LDB3: variants seen among roughly 807,000 people sequenced by gnomAD.
The protein encoded by LDB3 is LIM domain binding 3.
Under a neutral mutation model 69.0 loss-of-function variants are expected in LDB3, and 49 were observed. That is an observed-to-expected ratio of 0.71 (90% CI 0.56 to 0.90). The LOEUF (loss-of-function observed/expected upper bound fraction) is 0.90. Ranked by LOEUF, LDB3 falls within the 40% of genes least tolerant of loss-of-function variation. The pLI is 0.00. For synonymous variants in LDB3, 387 were observed against 396.2 expected (o/e 0.98, Z 0.28); for missense variants, 928 against 974.1 (o/e 0.95, Z 0.63).
Position 86,681,711 on chromosome 10 carries a change from T to C in LDB3, c.597T>C (p.Ile199=). The C allele has an allele frequency of 6.2e-7, 1 of 1,613,072 alleles. No individual in the cohort carries two copies. Among genetic ancestry groups the C allele is most frequent in the Non-Finnish European group, 8.5e-7 (1 of 1,179,522 alleles). The change falls in exon 5 of 14, where the codon ATT becomes ATC. Residue 199 remains isoleucine (I), a synonymous_variant. Transcript: ENST00000361373. The part of the protein sequence containing the change: ...SSQPRQYNNP[I]GLYSAETLRE... The stretch of plus-strand genomic sequence containing the variant: ...AGCCGAGGCAATATAACAACCCCAT[T>C]GGCCTGTACTCGGCAGAGACCCTGA...
chr10:86,693,434 T>TTG (rs1275445930), intron 7 of LDB3, among the ~76,000 whole-genome samples: 6 of 152,228 alleles, frequency 3.9e-5, no homozygotes, highest in African/African-American at 1.4e-4. Context: ...CACCCTCCCA[T>TTG]CCTGGGCCAA....
chr10:86,727,994 CA>C (rs1156301371), intron 13 of LDB3, among the ~76,000 whole-genome samples: 4 of 152,106 alleles, frequency 2.6e-5, no homozygotes, highest in African/African-American at 9.7e-5. Flanking sequence ...GCTCTTTGAA[CA>C]GATTCTCTAG....
chr10:86,728,586 G>GTTTTTTTTTTTGTTT (rs11271876), intron 13 of LDB3, among the ~76,000 whole-genome samples: 26,365 of 130,130 alleles, frequency 0.2, 3,500 homozygotes, highest in East Asian at 0.53. Flanking sequence ...TGGTTCTTTT[G>GTTTTTTTTTTTGTTT]TTTTTTTTTT....
At position 86,680,123 on chromosome 10, in the gene LDB3, T is replaced by G; in HGVS notation, c.287T>G (p.Val96Gly). 1 of 1,614,176 alleles carries G rather than the reference T, an allele frequency of 6.2e-7. No homozygotes were observed. Among genetic ancestry groups the G allele is most frequent in the East Asian group, 2.2e-5 (1 of 44,866 alleles). ...PIPISTTAPP[V>G]QTPLPVIPHQ... is the part of the protein sequence containing the mutation. ...CCCATCTCCACGACAGCACCTCCAGTCCAGACCCCTCTGCCGGTGATCCCT... is the reference window on the plus strand; with the variant it reads ...CCCATCTCCACGACAGCACCTCCAGGCCAGACCCCTCTGCCGGTGATCCCT... Residue 96 changes from valine (V) to glycine (G), a missense_variant, in exon 4 of 14, where the codon GTC becomes GGC. By Grantham distance (109) the Val-to-Gly change is moderately radical (BLOSUM62 -3). Transcript: ENST00000361373.
rs571670159 is a variant in LDB3 at position 86,710,274 on chromosome 10, G to A, written c.1231+224G>A. On this transcript the variant is annotated intron_variant, in intron 9 of 13. Coordinates refer to ENST00000361373, the MANE Select transcript of LDB3 (RefSeq NM_007078.3). ...GCAAGAAAGCGGTGGATGATTCTAA[G>A]GGAGAGCGAAGGAGAGCAGAGAAGT... 8 of 985,176 alleles carry A rather than the reference G, an allele frequency of 8.1e-6. No individual in the cohort carries two copies. In the East Asian group the frequency reaches 3.4e-4, roughly 42 times the overall value. 61.0% of individuals were successfully genotyped at this position (985,176 alleles called of 1,614,324 possible).
At chr10:86,704,776 G>T (rs559017165) in intron 7 of LDB3, among the ~76,000 whole-genome samples, 1 of 151,982 alleles carries the variant, frequency 6.6e-6, no homozygotes, top group East Asian at 1.9e-4. Flanking sequence ...TAGAGATGAG[G>T]TTTCACTGTG....
rs768569487 is a variant in LDB3, at chr10:86,699,242, TC to T, written c.896+6672del. 5 of 144,208 alleles carry T rather than the reference TC, an allele frequency of 3.5e-5. No individual in the cohort carries two copies. Among genetic ancestry groups the T allele is most frequent in the Non-Finnish European group, 4.2e-5 (5 of 119,418 alleles). The allele number at this position is 144,208 out of a possible 1,614,324, so 8.9% of individuals were successfully genotyped here. A position where few individuals can be genotyped will look rare whatever the true frequency, so the allele number is the denominator to read the frequency against. ...CTCTTTCTGTCTCTGTCTCTGTTTCTCTCTCTCTCTCTCTCTCTCTCTCTCT... is the reference window on the plus strand; with the variant it reads ...CTCTTTCTGTCTCTGTCTCTGTTTCTTCTCTCTCTCTCTCTCTCTCTCTCT... On this transcript the variant is annotated intron_variant, in intron 7 of 13. Coordinates refer to ENST00000361373, the MANE Select transcript of LDB3 (RefSeq NM_007078.3). The surrounding 1 kb of genome is among the most constrained non-coding windows in gnomAD (Gnocchi z 4.9).
intron 12 of LDB3, among the ~76,000 whole-genome samples, chr10:86,722,226 A>G (rs956367812): frequency 6.6e-6 from 1 of 152,266 alleles, no homozygotes; most frequent in Non-Finnish European, 1.5e-5. Context: ...AGTGGGCAAG[A>G]CAAGGCATTC....
At chr10:86,721,486 G>A (rs991215384) in intron 12 of LDB3, among the ~76,000 whole-genome samples, 3 of 152,130 alleles carry the variant, frequency 2.0e-5, no homozygotes, top group Admixed American at 6.5e-5. Context: ...ACCTGCACCC[G>A]AGCAGTTCCC....
intron 2 of LDB3, among the ~76,000 whole-genome samples, chr10:86,677,104 A>T (rs1363649224): frequency 6.6e-6 from 1 of 152,210 alleles, no homozygotes. Context: ...GCCAAGGAAC[A>T]CTTCCAGCCA....
chr10:86,729,778 A>G (rs1410478039), intron 13 of LDB3, among the ~76,000 whole-genome samples: 1 of 151,962 alleles, frequency 6.6e-6, no homozygotes, highest in Non-Finnish European at 1.5e-5. Flanking sequence ...TCCCTTTCTC[A>G]TTTGTTGGTC....
chr10:86,689,235 G>C (rs1483248096), intron 5 of LDB3, among the ~76,000 whole-genome samples: 1 of 152,004 alleles, frequency 6.6e-6, no homozygotes, highest in Non-Finnish European at 1.5e-5. Flanking sequence ...GCGCACTCAC[G>C]GCTGGGTTTT....
chr10:86,691,789 TG>T, intron 5 of LDB3, 106 bp from the exon 6 acceptor site: 1 of 1,273,906 alleles, frequency 7.8e-7, no homozygotes. Context: ...AAAGGCAAGG[TG>T]GGGACAGAAC....
Position 86,699,434 on chromosome 10 carries a change from A to G in LDB3, c.896+6863A>G. The G allele has an allele frequency of 6.2e-7, 1 of 1,609,518 alleles. No homozygotes were observed. The highest frequency in any genetic ancestry group is 8.5e-7 in the Non-Finnish European group (1 of 1,178,370). ...GGACTCCCTCCATCCTTACCCCCAC[A>G]CAGATCTGGCATGTGAGCCCCACGG... On this transcript the variant is annotated intron_variant, in intron 7 of 13. Transcript: ENST00000361373. The surrounding 1 kb of genome is among the most constrained non-coding windows in gnomAD (Gnocchi z 4.9).
intron 2 of LDB3, among the ~76,000 whole-genome samples, chr10:86,676,715 G>T (rs1184785199): frequency 3.3e-5 from 5 of 152,234 alleles, no homozygotes; most frequent in Non-Finnish European, 7.3e-5. Flanking sequence ...GACCCGTAAT[G>T]TGGTCGTGCA....
Position 86,718,817 on chromosome 10 carries a change from A to G in LDB3, c.1948A>G (p.Met650Val). 6.2e-7 allele frequency: 1 copy of G among 1,614,098 alleles called. No individual in the cohort carries two copies. The highest frequency in any genetic ancestry group is 8.5e-7 in the Non-Finnish European group (1 of 1,179,988). The change falls in exon 12 of 14, where the codon ATG becomes GTG. Residue 650 changes from methionine to valine, a missense_variant. By Grantham distance (21) the Met-to-Val change is conservative. Coordinates refer to ENST00000361373, the MANE Select transcript of LDB3 (RefSeq NM_007078.3). Reference sequence around the variant, plus strand: ...GCCTTTTGGGAACAGCCTCTTCCACATGGAAGACGGGGAGCCCTACTGCGA... The same window carrying G: ...GCCTTTTGGGAACAGCCTCTTCCACGTGGAAGACGGGGAGCCCTACTGCGA... ...KKPFGNSLFH[M>V]EDGEPYCEKD...
At chr10:86,700,348 C>T (rs962404447) in intron 7 of LDB3, among the ~76,000 whole-genome samples, 18 of 152,162 alleles carry the variant, frequency 1.2e-4, no homozygotes, top group African/African-American at 4.3e-4. Context: ...GCCTCTCCTT[C>T]CACACCCTGC....
Position 86,711,217 on chromosome 10 carries a change from T to G in LDB3, c.1231+1167T>G, listed in dbSNP as rs560300986. On this transcript the variant is annotated intron_variant, in intron 9 of 13. Coordinates refer to ENST00000361373, the MANE Select transcript of LDB3 (RefSeq NM_007078.3). Reference sequence around the variant, plus strand: ...TTCCGTCTCTTCCTGGGGAGGCGCTTCTGGCACCTTCCGGGGCGGCCTCCG... The same window carrying G: ...TTCCGTCTCTTCCTGGGGAGGCGCTGCTGGCACCTTCCGGGGCGGCCTCCG... 1.5e-4 allele frequency among the ~76,000 whole-genome samples: 23 copies of G among 152,246 alleles called. No homozygotes were observed. The South Asian group carries it at 4.8e-3, about 32-fold the overall frequency.
chr10:86,718,232 G>A, intron 11 of LDB3, 88 bp downstream of exon 11: 2 of 1,302,858 alleles, frequency 1.5e-6, no homozygotes, highest in Non-Finnish European at 2.2e-6. Flanking sequence ...AAGCCAAGAA[G>A]TTGCTGGTAA....
Sources: gnomAD v4.1 joint callset for allele counts (sites outside exome capture counted in the v4.1 genomes callset) on GRCh38, gnomAD v4.1.1 for gene constraint, Gnocchi (gnomAD v3.1) non-coding constraint, MANE v1.5 for transcripts, NCBI Gene and HGNC (gene_info 2026-07-23, HGNC 2026-07-21) for gene names.